The following TECR variants were observed in gnomAD, a reference collection of about 807,000 sequenced individuals.
TECR encodes trans-2,3-enoyl-CoA reductase.
A neutral mutation model predicts 50.6 loss-of-function variants in TECR; 19 were observed. The observed-to-expected ratio is 0.38, with a 90% confidence interval of 0.26 to 0.55. TECR has a LOEUF of 0.55. TECR is among the 20% of genes least tolerant of loss of function. The probability of loss-of-function intolerance (pLI) is 0.79; values close to 1 mark genes in which losing one functional copy is unlikely to be tolerated. For missense variants in TECR, 313 were observed against 408.3 expected, an observed-to-expected ratio of 0.77 and a Z score of 2.01; for synonymous variants, 168 against 163.5, an observed-to-expected ratio of 1.03 and a Z score of -0.21.
intron 1 of TECR, among the ~76,000 whole-genome samples, chr19:14,557,808 T>A (rs1044008762): frequency 2.0e-5 from 3 of 150,962 alleles, no homozygotes; most frequent in African/African-American, 7.3e-5. Flanking sequence ...CAGGCTGGAG[T>A]GCAGTGGCGC....
At chr19:14,548,563 T>G (rs966381051) in intron 1 of TECR, among the ~76,000 whole-genome samples, 5 of 152,160 alleles carry the variant, frequency 3.3e-5, no homozygotes, top group African/African-American at 9.6e-5. Flanking sequence ...TCTGCAGCAC[T>G]GCTCATCTCT....
chr19:14,540,921 G>A (rs941631631), intron 1 of TECR, among the ~76,000 whole-genome samples: 1 of 152,054 alleles, frequency 6.6e-6, no homozygotes, highest in Admixed American at 6.6e-5. Flanking sequence ...TGCAACTTCC[G>A]CTTTCCGGTT....
chr19:14,528,271 G>T (rs1409874923), upstream of TECR, among the ~76,000 whole-genome samples: 1 of 134,464 alleles, frequency 7.4e-6, no homozygotes, highest in African/African-American at 2.8e-5. Context: ...TTTTTGAGAC[G>T]GTCTGTTGCT....
chr19:14,529,562 G>A (rs1456120894), upstream of TECR: 3 of 1,375,362 alleles, frequency 2.2e-6, no homozygotes, highest in South Asian at 1.2e-5. Context: ...GGGCGCGCGC[G>A]GCCTGGAGGG....
At chr19:14,556,198 G>A (rs1377331276) in intron 1 of TECR, among the ~76,000 whole-genome samples, 2 of 152,048 alleles carry the variant, frequency 1.3e-5, no homozygotes, top group South Asian at 2.1e-4. Context: ...GCTCAGCCAC[G>A]CTAGGTATGG....
chr19:14,554,123 C>T (rs888541268), intron 1 of TECR, among the ~76,000 whole-genome samples: 4 of 152,144 alleles, frequency 2.6e-5, no homozygotes, highest in African/African-American at 4.8e-5. Context: ...AACATGCACG[C>T]GTGGTCTTCT....
At chr19:14,549,788 C>A (rs577570932) in intron 1 of TECR, among the ~76,000 whole-genome samples, 3 of 151,940 alleles carry the variant, frequency 2.0e-5, no homozygotes, top group Admixed American at 6.6e-5. Flanking sequence ...ACTAAAAATA[C>A]AAAAATTAGC....
intron 1 of TECR, 114 bp downstream of exon 1, chr19:14,529,825 G>A (rs2146542702): frequency 6.1e-6 from 9 of 1,474,372 alleles, no homozygotes; most frequent in Non-Finnish European, 8.5e-6. Context: ...AGAGCCAGAC[G>A]GCGCAGGCGC....
chr19:14,558,279 C>T (rs1442765648), intron 1 of TECR, among the ~76,000 whole-genome samples: 2 of 152,246 alleles, frequency 1.3e-5, no homozygotes, highest in African/African-American at 4.8e-5. Context: ...GCTTAGACAA[C>T]GAGAGCCCCC....
At position 14,564,930 on chromosome 19, in the gene TECR, C is replaced by G. The variant is rs1464356084; in HGVS notation, c.563-19C>G. ...GCGGGTCCTCCCCTCATGGGCTCCC[C>G]TCCCTGCTTCCTCTTCAGCCTACGG... On this transcript the variant is annotated intron_variant, in intron 8 of 12. Coordinates refer to ENST00000215567, the MANE Select transcript of TECR (RefSeq NM_138501.6). 1 of 1,614,138 alleles carries G rather than the reference C, an allele frequency of 6.2e-7. No homozygotes were observed. The highest frequency in any genetic ancestry group is 8.5e-7 in the Non-Finnish European group (1 of 1,180,044).
At chr19:14,533,252 C>G (rs1464033852) in intron 1 of TECR, among the ~76,000 whole-genome samples, 2 of 152,004 alleles carry the variant, frequency 1.3e-5, no homozygotes, top group Non-Finnish European at 2.9e-5. Context: ...GAAACTCCGT[C>G]TCTACAAAAA....
In TECR at chr19:14,563,751, G is replaced by C; in HGVS notation, c.163+49G>C. ...CCGCCCCCTGGGCTCCTGGGTGGCAGTGGGAGAAGGCCCGGGTAGCCCCTG... is the reference window on the plus strand; with the variant it reads ...CCGCCCCCTGGGCTCCTGGGTGGCACTGGGAGAAGGCCCGGGTAGCCCCTG... On this transcript the variant is annotated intron_variant, in intron 4 of 12. Transcript: ENST00000215567. This position sits in a 1 kb window ranked among gnomAD's most constrained non-coding sequence, Gnocchi z 5.3. 1 of 1,612,770 alleles carries C rather than the reference G, an allele frequency of 6.2e-7. No homozygotes were observed. Among genetic ancestry groups the C allele is most frequent in the Middle Eastern group, 1.7e-4 (1 of 6,020 alleles).
At chr19:14,565,702 C>G in intron 12 of TECR, 39 bp downstream of exon 12, 1 of 1,611,986 alleles carries the variant, frequency 6.2e-7, no homozygotes, top group Admixed American at 1.7e-5. Flanking sequence ...CCCTGCCCCT[C>G]CGGGCCGGCA....
chr19:14,565,540 G>T lies in TECR; in HGVS notation c.754-78G>T, dbSNP rs977178562. ...GACTCAGAAAGCAGGGGCGGCGGGA[G>T]GTGGCTGGCTGAGTCCAGGACAGCC... On this transcript the variant is annotated intron_variant, in intron 11 of 12. Coordinates refer to ENST00000215567, the MANE Select transcript of TECR (RefSeq NM_138501.6). 11 of 1,554,188 alleles carry T rather than the reference G, an allele frequency of 7.1e-6. No individual in the cohort carries two copies. The African/African-American group carries it at 9.5e-5, about 13-fold the overall frequency.
chr19:14,529,791 T>C, intron 1 of TECR, 80 bp downstream of exon 1: 1 of 1,596,962 alleles, frequency 6.3e-7, no homozygotes, highest in Non-Finnish European at 8.6e-7. Flanking sequence ...GGGACCCCAC[T>C]TTCTGGTCCT....
intron 1 of TECR, among the ~76,000 whole-genome samples, chr19:14,550,662 C>T (rs1389310747): frequency 2.6e-5 from 4 of 152,066 alleles, no homozygotes; most frequent in South Asian, 4.2e-4. Context: ...CTGGCCCCAG[C>T]GGCCAGGAGT....
chr19:14,551,313 G>A (rs1416999325), intron 1 of TECR, among the ~76,000 whole-genome samples: 1 of 152,004 alleles, frequency 6.6e-6, no homozygotes, highest in Admixed American at 6.6e-5. Flanking sequence ...GACCTCAGGT[G>A]ATCCACCCAC....
chr19:14,543,826 C>T (rs376068023), intron 1 of TECR, among the ~76,000 whole-genome samples: 18 of 151,976 alleles, frequency 1.2e-4, no homozygotes, highest in East Asian at 1.2e-3. Flanking sequence ...GCAACCTCTG[C>T]CTCCCAGGTT....
intron 1 of TECR, among the ~76,000 whole-genome samples, chr19:14,558,142 A>AT (rs1216885546): frequency 6.6e-6 from 1 of 152,158 alleles, no homozygotes; most frequent in Non-Finnish European, 1.5e-5. Flanking sequence ...CCACTTTGCC[A>AT]TGAGTAGATG....
Sources: gnomAD v4.1 joint callset for allele counts (sites outside exome capture counted in the v4.1 genomes callset) on GRCh38, gnomAD v4.1.1 for gene constraint, Gnocchi (gnomAD v3.1) non-coding constraint, MANE v1.5 for transcripts, NCBI Gene and HGNC (gene_info 2026-07-23, HGNC 2026-07-21) for gene names.